OSBPL10: variants seen among roughly 807,000 people sequenced by gnomAD.
OSBPL10 encodes oxysterol binding protein like 10, also known as oxysterol-binding protein-related protein 10.
A neutral mutation model predicts 81.7 loss-of-function variants in OSBPL10; 49 were observed. The observed-to-expected ratio is 0.60, with a 90% CI of 0.48 to 0.76. OSBPL10 has a LOEUF of 0.76. OSBPL10 is among the 30% of genes least tolerant of loss of function. The probability of loss-of-function intolerance (pLI) is 0.00; values close to 1 mark genes in which losing one functional copy is unlikely to be tolerated. For synonymous variants in OSBPL10, 419 were observed against 383.6 expected (o/e 1.09, Z -1.08); for missense variants, 923 against 987.8 (o/e 0.93, Z 0.88).
At chr3:31,903,907 A>G (rs1184507733) in intron 1 of OSBPL10, among the ~76,000 whole-genome samples, 2 of 152,194 alleles carry the variant, frequency 1.3e-5, no homozygotes, top group African/African-American at 2.4e-5. Context: ...CAAATATTCA[A>G]CAGGAAGTCA....
intron 1 of OSBPL10, among the ~76,000 whole-genome samples, chr3:31,883,539 G>GTTTTT (rs1695649584): frequency 1.0e-5 from 1 of 96,676 alleles, no homozygotes; most frequent in Non-Finnish European, 2.1e-5. Context: ...TTTTTTTTTT[G>GTTTTT]TTGTTTTTTT....
intron 1 of OSBPL10, among the ~76,000 whole-genome samples, chr3:31,921,780 G>C (rs1293472212): frequency 6.6e-6 from 1 of 152,168 alleles, no homozygotes; most frequent in Non-Finnish European, 1.5e-5. Context: ...AAAAGGACAG[G>C]AGAGGAGAGA....
chr3:31,904,155 C>G (rs1192589387), intron 1 of OSBPL10, among the ~76,000 whole-genome samples: 1 of 152,194 alleles, frequency 6.6e-6, no homozygotes, highest in Non-Finnish European at 1.5e-5. Flanking sequence ...CTCTCCCCTG[C>G]TTCTTCCTTG....
At chr3:31,855,270 C>G (rs749051237) in intron 3 of OSBPL10, among the ~76,000 whole-genome samples, 1 of 152,166 alleles carries the variant, frequency 6.6e-6, no homozygotes, top group Non-Finnish European at 1.5e-5. Flanking sequence ...AATTCATACA[C>G]CAGGTCTCCC....
chr3:31,675,209 C>CTA (rs1700436334), intron 8 of OSBPL10, among the ~76,000 whole-genome samples: 1 of 152,168 alleles, frequency 6.6e-6, no homozygotes. Flanking sequence ...TCTTGCATGT[C>CTA]TAGCAGGAAA....
In OSBPL10 at chr3:32,069,722, C is replaced by T. The variant is rs186996450; in HGVS notation, n.185+7674G>A. Among the ~76,000 whole-genome samples, 1,081 of 152,274 alleles carry T rather than the reference C, an allele frequency of 7.1e-3. 10 individuals carry two copies. Among genetic ancestry groups the T allele is most frequent in the African/African-American group, 0.025 (1,021 of 41,550 alleles). ...TTCAAGGTGTACAATAATAGAGAGG[C>T]GGTAGCCAGACAGCAATGCATTTCT... On this transcript the variant is annotated intron_variant and non_coding_transcript_variant, in intron 1 of 3. Coordinates refer to the OSBPL10 transcript ENST00000479173.
intron 4 of OSBPL10, among the ~76,000 whole-genome samples, chr3:31,819,512 G>A (rs931570848): frequency 6.6e-6 from 1 of 152,140 alleles, no homozygotes; most frequent in Non-Finnish European, 1.5e-5. Flanking sequence ...TAAATTCATC[G>A]AGTCCTCATT....
intron 4 of OSBPL10, among the ~76,000 whole-genome samples, chr3:31,810,576 A>G (rs887995976): frequency 2.6e-5 from 4 of 152,262 alleles, no homozygotes; most frequent in Non-Finnish European, 5.9e-5. Flanking sequence ...TAATATATAC[A>G]TATATATAAA....
intron 1 of OSBPL10, among the ~76,000 whole-genome samples, chr3:31,929,046 G>A (rs376515973): frequency 6.6e-6 from 1 of 152,142 alleles, no homozygotes; most frequent in African/African-American, 2.4e-5. Context: ...AATTAAAAAG[G>A]AAACATCCAG....
chr3:31,898,883 G>A (rs1575605352), intron 1 of OSBPL10, among the ~76,000 whole-genome samples: 1 of 151,190 alleles, frequency 6.6e-6, no homozygotes, highest in Non-Finnish European at 1.5e-5. Flanking sequence ...TTTGACATAG[G>A]AGGGTATCAT....
At chr3:31,734,795 ATTCTG>A (rs758253003) in intron 5 of OSBPL10, among the ~76,000 whole-genome samples, 8 of 152,206 alleles carry the variant, frequency 5.3e-5, no homozygotes, top group Non-Finnish European at 8.8e-5. Context: ...CACTCTGTAG[ATTCTG>A]TTCTAAGTCT....
intron 4 of OSBPL10, chr3:31,794,337 G>A (rs1699123473): frequency 6.4e-6 from 1 of 155,284 alleles, no homozygotes; most frequent in Non-Finnish European, 1.4e-5. Flanking sequence ...TAGAGATGGG[G>A]TTTCACCCTG....
intron 4 of OSBPL10, among the ~76,000 whole-genome samples, chr3:31,762,452 C>G (rs537796711): frequency 6.6e-6 from 1 of 151,858 alleles, no homozygotes; most frequent in African/African-American, 2.4e-5. Flanking sequence ...CTGTCTTGGC[C>G]ACAAGCAAGG....
intron 2 of OSBPL10, among the ~76,000 whole-genome samples, chr3:32,026,042 A>AGATAGATAGATAGATAGAT (rs1553649768): frequency 1.6e-5 from 2 of 121,928 alleles, no homozygotes; most frequent in African/African-American, 6.4e-5. Context: ...ATAGATAGAT[A>AGATAGATAGATAGATAGAT]GATAGATAGA....
chr3:31,800,687 G>A (rs1325335920), intron 4 of OSBPL10, among the ~76,000 whole-genome samples: 1 of 151,018 alleles, frequency 6.6e-6, no homozygotes, highest in East Asian at 1.9e-4. Context: ...ACATGGGTGG[G>A]TCAAGTTAAA....
intron 2 of OSBPL10, among the ~76,000 whole-genome samples, chr3:32,032,339 C>T (rs1376667259): frequency 6.6e-6 from 1 of 151,826 alleles, no homozygotes; most frequent in Non-Finnish European, 1.5e-5. Flanking sequence ...CTCTTGAACC[C>T]GGGAGGCAGA....
intron 4 of OSBPL10, chr3:31,796,087 T>C: frequency 5.8e-6 from 1 of 172,830 alleles, no homozygotes. Flanking sequence ...GAGTTCATCC[T>C]GGAGATCAGT....
chr3:32,028,986 A>ACACACC (rs1699442611), intron 2 of OSBPL10, among the ~76,000 whole-genome samples: 1 of 146,758 alleles, frequency 6.8e-6, no homozygotes, highest in Non-Finnish European at 1.5e-5. Context: ...ACACACACAC[A>ACACACC]CACCAGGAAT....
chr3:31,852,563 GT>G (rs1236273077), intron 3 of OSBPL10, among the ~76,000 whole-genome samples: 2 of 136,376 alleles, frequency 1.5e-5, no homozygotes, highest in Non-Finnish European at 3.3e-5. Flanking sequence ...TGGCACGGAA[GT>G]TTTTTCCTTT....
Sources: gnomAD v4.1 joint callset for allele counts (sites outside exome capture counted in the v4.1 genomes callset) on GRCh38, gnomAD v4.1.1 for gene constraint, MANE v1.5 for transcripts, NCBI Gene and HGNC (gene_info 2026-07-23, HGNC 2026-07-21) for gene names.